Variants in OSBPL8 observed in about 807,000 individuals in gnomAD.
OSBPL8 encodes oxysterol-binding protein-related protein 8.
In OSBPL8, 59 loss-of-function variants were observed where a neutral mutation model predicts 125.5. The ratio of observed to expected loss-of-function variants is 0.47; its 90% confidence interval spans 0.38 to 0.58. The LOEUF (loss-of-function observed/expected upper bound fraction) is 0.58, where lower values mean the gene tolerates loss of function less well. Ranked by LOEUF, OSBPL8 falls within the 20% of genes least tolerant of loss-of-function variation. The probability of loss-of-function intolerance (pLI) is 0.00; values close to 1 mark genes in which losing one functional copy is unlikely to be tolerated. For missense variants in OSBPL8, 758 were observed against 1,047.8 expected (o/e 0.72, Z 3.82); for synonymous variants, 330 against 338.9 (o/e 0.97, Z 0.29).
chr12:76,492,612 T>C (rs560407032), intron 1 of OSBPL8, among the ~76,000 whole-genome samples: 3 of 152,136 alleles, frequency 2.0e-5, no homozygotes, highest in African/African-American at 7.2e-5. Context: ...TAGATTCTCA[T>C]AGGAGCATGA....
intron 1 of OSBPL8, among the ~76,000 whole-genome samples, chr12:76,559,072 G>A (rs983369803): frequency 8.5e-5 from 13 of 152,172 alleles, no homozygotes; most frequent in African/African-American, 2.9e-4. Flanking sequence ...GGCTCCCAAC[G>A]AGGCCCATGC....
chr12:76,425,078 AT>A (rs1242055859), intron 4 of OSBPL8, among the ~76,000 whole-genome samples: 2 of 152,172 alleles, frequency 1.3e-5, no homozygotes, highest in African/African-American at 4.8e-5. Context: ...CAGATAGGCT[AT>A]TTACGTCAAC....
intron 2 of OSBPL8, among the ~76,000 whole-genome samples, chr12:76,485,798 A>G (rs1878065131): frequency 6.6e-6 from 1 of 152,212 alleles, no homozygotes; most frequent in African/African-American, 2.4e-5. Context: ...AAGTGAGGAT[A>G]AACAAATATC....
intron 1 of OSBPL8, among the ~76,000 whole-genome samples, chr12:76,555,465 G>A (rs1306303593): frequency 6.6e-6 from 1 of 152,136 alleles, no homozygotes; most frequent in African/African-American, 2.4e-5. Context: ...GAGTCATCTA[G>A]ATGAGTCAAG....
intron 1 of OSBPL8, among the ~76,000 whole-genome samples, chr12:76,513,448 G>A (rs1881209249): frequency 6.6e-6 from 1 of 152,232 alleles, no homozygotes; most frequent in Non-Finnish European, 1.5e-5. Flanking sequence ...AGATCCATTT[G>A]ATCTAATGTT....
intron 5 of OSBPL8, among the ~76,000 whole-genome samples, chr12:76,408,166 AG>A (rs1374296373): frequency 6.8e-6 from 1 of 147,886 alleles, no homozygotes; most frequent in African/African-American, 2.5e-5. Context: ...AAAAAAAAAA[AG>A]GTAGCTATTA....
chr12:76,528,259 G>A (rs936846383), intron 1 of OSBPL8, among the ~76,000 whole-genome samples: 21 of 151,266 alleles, frequency 1.4e-4, no homozygotes, highest in African/African-American at 2.7e-4. Flanking sequence ...CCTGGGAGGC[G>A]GAGGCTGCAG....
At chr12:76,515,107 T>C (rs1456963671) in intron 1 of OSBPL8, among the ~76,000 whole-genome samples, 1 of 152,250 alleles carries the variant, frequency 6.6e-6, no homozygotes, top group African/African-American at 2.4e-5. Flanking sequence ...TGAATCTCAA[T>C]GATATTCATT....
intron 2 of OSBPL8, among the ~76,000 whole-genome samples, chr12:76,478,084 C>A (rs1296068687): frequency 6.6e-6 from 1 of 151,928 alleles, no homozygotes; most frequent in Non-Finnish European, 1.5e-5. Flanking sequence ...CGCCTGTAAT[C>A]CCAGCTACTC....
chr12:76,443,957 A>G (rs999413261), intron 4 of OSBPL8, among the ~76,000 whole-genome samples: 1 of 152,212 alleles, frequency 6.6e-6, no homozygotes, highest in Admixed American at 6.5e-5. Context: ...TAAGGAACAC[A>G]ATCTGGAAAA....
chr12:76,445,980 GAGTTTA>G (rs1313794863), intron 4 of OSBPL8, among the ~76,000 whole-genome samples: 1 of 152,128 alleles, frequency 6.6e-6, no homozygotes, highest in Non-Finnish European at 1.5e-5. Flanking sequence ...TAAAAAGTCT[GAGTTTA>G]AGTTCAAATT....
At chr12:76,363,727 A>G (rs1349779152) in intron 21 of OSBPL8, among the ~76,000 whole-genome samples, 1 of 152,228 alleles carries the variant, frequency 6.6e-6, no homozygotes, top group Non-Finnish European at 1.5e-5. Context: ...CAGGCAACCT[A>G]CAGAATGGGA....
Position 76,414,805 on chromosome 12 carries a change from A to G in OSBPL8, c.218-4171T>C, listed in dbSNP as rs569599418. Among the ~76,000 whole-genome samples, 9 of 152,264 alleles carry G rather than the reference A, an allele frequency of 5.9e-5. No individual in the cohort carries two copies. In the East Asian group the frequency reaches 1.5e-3, roughly 26 times the overall value. On this transcript the variant is annotated intron_variant, in intron 4 of 23. Coordinates refer to ENST00000261183, the MANE Select transcript of OSBPL8 (RefSeq NM_020841.5). ...GGAAGTTCACTCCTTCTAGTTTTCT[A>G]AGAGTTAACAAAACGAAATTTGGAT...
intron 1 of OSBPL8, among the ~76,000 whole-genome samples, chr12:76,508,954 T>C (rs1880704134): frequency 6.6e-6 from 1 of 152,116 alleles, no homozygotes; most frequent in African/African-American, 2.4e-5. Context: ...GCCTATGGAG[T>C]AGACATTCTT....
chr12:76,389,809 T>C lies in OSBPL8; in HGVS notation c.1188A>G (p.Thr396=), dbSNP rs751786250. 1.1e-4 allele frequency: 173 copies of C among 1,534,728 alleles called. 1 individual carries two copies. Among genetic ancestry groups the C allele is most frequent in the Non-Finnish European group, 1.5e-4 (172 of 1,138,688 alleles). Residue 396 remains threonine, a synonymous_variant, in exon 12 of 24, where the codon ACA becomes ACG. Coordinates refer to ENST00000261183, the MANE Select transcript of OSBPL8 (RefSeq NM_020841.5). ...ELGEAGEASQ[T]ETVSEENKSL... ...TTTTGTTTTCTTCAGATACAGTTTC[T>C]GTTTGAGAAGCCTCACCTGCCTTTA...
intron 1 of OSBPL8, among the ~76,000 whole-genome samples, chr12:76,501,432 G>A (rs1879893473): frequency 6.6e-6 from 1 of 152,234 alleles, no homozygotes; most frequent in African/African-American, 2.4e-5. Context: ...GAGACAATAT[G>A]TAGTCCACAA....
In OSBPL8 at chr12:76,392,632, GT is replaced by G; in HGVS notation, c.877del (p.Thr293LeufsTer19). The G allele has an allele frequency of 3.1e-6, 5 of 1,613,988 alleles. No homozygotes were observed. Among genetic ancestry groups the G allele is most frequent in the Non-Finnish European group, 4.2e-6 (5 of 1,179,892 alleles). ...GTTAGCACGTAGTAAGCCATAGAAA[GT>G]CACATGTGTGCTATCTGATGAAACG... ...LSVSSDSTHV[T>X]FYGLLRANNL... On this transcript the variant is annotated frameshift_variant, in exon 10 of 24. Transcript: ENST00000261183. LOFTEE classifies it high-confidence loss of function.
chr12:76,499,466 G>A (rs1879669370), intron 1 of OSBPL8, among the ~76,000 whole-genome samples: 2 of 152,032 alleles, frequency 1.3e-5, no homozygotes, highest in Admixed American at 6.6e-5. Context: ...AGGCTCAAGC[G>A]ATCAAGCGAT....
At chr12:76,419,464 C>A (rs554237320) in intron 4 of OSBPL8, among the ~76,000 whole-genome samples, 1 of 151,990 alleles carries the variant, frequency 6.6e-6, no homozygotes, top group Non-Finnish European at 1.5e-5. Flanking sequence ...GGGATACCTG[C>A]GAATAAGCTA....
Sources: allele counts gnomAD v4.1 joint callset (sites outside exome capture counted in the v4.1 genomes callset), GRCh38; gene constraint gnomAD v4.1.1; transcripts MANE v1.5; gene names NCBI Gene and HGNC (gene_info 2026-07-23, HGNC 2026-07-21).